The following SGCD variants were observed in gnomAD, a reference collection of about 807,000 sequenced individuals.
SGCD encodes sarcoglycan delta.
A neutral mutation model predicts 36.6 loss-of-function variants in SGCD; 18 were observed. The ratio of observed to expected loss-of-function variants is 0.49; its 90% CI spans 0.34 to 0.73. The LOEUF (loss-of-function observed/expected upper bound fraction) is 0.73. Ranked by LOEUF, SGCD falls within the 30% of genes least tolerant of loss-of-function variation. SGCD has a pLI of 0.01. For synonymous variants in SGCD, 133 were observed against 130.6 expected (o/e 1.02, Z -0.12); for missense variants, 387 against 346.7 (o/e 1.12, Z -0.92).
intron 3 of SGCD, among the ~76,000 whole-genome samples, chr5:156,478,667 G>A (rs148236045): frequency 0.023 from 3,455 of 152,154 alleles, 105 homozygotes; most frequent in African/African-American, 0.072. Context: ...TGCAACCTCC[G>A]CCTCATGGTT....
intron 1 of SGCD, among the ~76,000 whole-genome samples, chr5:155,997,814 G>C (rs1253344986): frequency 6.6e-6 from 1 of 152,226 alleles, no homozygotes; most frequent in African/African-American, 2.4e-5. Context: ...ACCTCTCCAA[G>C]TGGCATCTGG....
At chr5:156,294,681 C>A (rs1766849969) in intron 3 of SGCD, among the ~76,000 whole-genome samples, 1 of 151,970 alleles carries the variant, frequency 6.6e-6, no homozygotes, top group African/African-American at 2.4e-5. Context: ...TTGAATGTTT[C>A]TGTCATGAAA....
At chr5:155,799,923 A>G in the SGCD span, among the ~76,000 whole-genome samples, 4 of 140,344 alleles carry the variant, frequency 2.9e-5, no homozygotes, top group Admixed American at 1.6e-4. Flanking sequence ...GGTTCAAGCT[A>G]TTCTCCTGCC....
At chr5:156,086,696 G>C (rs1761103791) in intron 1 of SGCD, among the ~76,000 whole-genome samples, 1 of 152,178 alleles carries the variant, frequency 6.6e-6, no homozygotes, top group Admixed American at 6.5e-5. Flanking sequence ...GAACTTCTAA[G>C]TAAGCATTCA....
At chr5:156,366,565 A>G (rs1051060277) in intron 3 of SGCD, among the ~76,000 whole-genome samples, 3 of 152,230 alleles carry the variant, frequency 2.0e-5, no homozygotes, top group Non-Finnish European at 2.9e-5. Context: ...AGAAAAAATA[A>G]AACTGGTTAA....
chr5:156,006,086 G>A (rs895948786), intron 1 of SGCD, among the ~76,000 whole-genome samples: 2 of 152,186 alleles, frequency 1.3e-5, no homozygotes, highest in Admixed American at 1.3e-4. Flanking sequence ...TATGCAGTTT[G>A]TAGGCATTAG....
At chr5:155,796,772 C>G in the SGCD span, among the ~76,000 whole-genome samples, 1 of 125,220 alleles carries the variant, frequency 8.0e-6, no homozygotes, top group African/African-American at 3.1e-5. Context: ...TGCCATTGCA[C>G]TCCAGCCTGG....
chr5:156,559,089 T>C (rs1055202812), intron 4 of SGCD, among the ~76,000 whole-genome samples: 1 of 152,164 alleles, frequency 6.6e-6, no homozygotes, highest in African/African-American at 2.4e-5. Flanking sequence ...AATGACCTTA[T>C]ACAGATCCCT....
chr5:156,262,827 G>A (rs1042151693), intron 3 of SGCD, among the ~76,000 whole-genome samples: 2 of 151,696 alleles, frequency 1.3e-5, no homozygotes, highest in African/African-American at 4.8e-5. Context: ...TAGAATAATG[G>A]TCTCCAATTC....
At position 155,993,276 on chromosome 5, in the gene SGCD, C is replaced by G. The variant is rs946782211; in HGVS notation, c.-282+122852C>G. Among the ~76,000 whole-genome samples, 8 of 151,620 alleles carry G rather than the reference C, an allele frequency of 5.3e-5. No individual in the cohort carries two copies. The East Asian group carries it at 9.7e-4, about 18-fold the overall frequency. ...ACCTGTTTGTATCAGCTTCTTCCTT[C>G]ATGACAGTCATTCCCATGTCTATGT... On this transcript the variant is annotated intron_variant, in intron 1 of 9. Coordinates refer to the SGCD transcript ENST00000517913.
At chr5:156,326,303 A>G (rs1008045510), upstream of SGCD, among the ~76,000 whole-genome samples, 5 of 152,202 alleles carry the variant, frequency 3.3e-5, no homozygotes, top group African/African-American at 1.2e-4. Context: ...TCCAGAAATA[A>G]TCACAGGTGC....
chr5:155,728,179 C>T, the SGCD span, among the ~76,000 whole-genome samples: 1 of 152,278 alleles, frequency 6.6e-6, no homozygotes, highest in East Asian at 1.9e-4. Context: ...CCCGCCGCCC[C>T]CACCCGCGGC....
intron 3 of SGCD, among the ~76,000 whole-genome samples, chr5:156,386,635 G>A (rs1771289882): frequency 6.6e-6 from 1 of 152,238 alleles, no homozygotes; most frequent in Non-Finnish European, 1.5e-5. Context: ...TGAAGGATGT[G>A]GAAATATTTT....
chr5:156,342,179 T>C (rs1406288372), intron 2 of SGCD, among the ~76,000 whole-genome samples: 3 of 152,252 alleles, frequency 2.0e-5, no homozygotes, highest in Non-Finnish European at 2.9e-5. Flanking sequence ...TAAACATTTA[T>C]TGAACATGTC....
At chr5:155,775,460 A>G in the SGCD span, among the ~76,000 whole-genome samples, 22 of 152,120 alleles carry the variant, frequency 1.4e-4, no homozygotes, top group Non-Finnish European at 2.8e-4. Context: ...AACTAATAAG[A>G]TACAGTGCTG....
chr5:156,247,854 G>A (rs994230412), intron 3 of SGCD, among the ~76,000 whole-genome samples: 4 of 152,152 alleles, frequency 2.6e-5, no homozygotes, highest in African/African-American at 9.7e-5. Flanking sequence ...GCCTTGTGTT[G>A]CAATAAGCCT....
intron 1 of SGCD, among the ~76,000 whole-genome samples, chr5:156,100,211 C>T (rs1761489068): frequency 6.6e-6 from 1 of 151,912 alleles, no homozygotes; most frequent in Admixed American, 6.6e-5. Context: ...TGTGTTAGCT[C>T]CATGAATTTG....
At chr5:155,759,479 A>G in the SGCD span, among the ~76,000 whole-genome samples, 2 of 152,126 alleles carry the variant, frequency 1.3e-5, no homozygotes, top group Admixed American at 6.5e-5. Context: ...ATTGTTTAAG[A>G]CTTTTTTGAA....
chr5:156,392,869 G>C (rs955141579), intron 3 of SGCD, among the ~76,000 whole-genome samples: 1 of 152,048 alleles, frequency 6.6e-6, no homozygotes, highest in African/African-American at 2.4e-5. Flanking sequence ...CATTCCTCTC[G>C]ACATCCAGCC....
Sources: gnomAD v4.1 joint callset for allele counts (sites outside exome capture counted in the v4.1 genomes callset) on GRCh38, gnomAD v4.1.1 for gene constraint, MANE v1.5 for transcripts, NCBI Gene and HGNC (gene_info 2026-07-23, HGNC 2026-07-21) for gene names.